Variants in BICD1 observed in about 807,000 individuals in gnomAD.
BICD1 encodes the protein protein bicaudal D homolog 1.
BICD1 carries 35 observed loss-of-function variants against 92.5 expected under a neutral mutation model. That is an observed-to-expected ratio of 0.38 (90% confidence interval 0.29 to 0.50). BICD1 has a LOEUF of 0.50. Among genes scored for constraint, BICD1 ranks in the 20% least tolerant of loss-of-function variants. BICD1 has a pLI of 0.93. For missense variants in BICD1, 950 were observed against 1,189.8 expected, an observed-to-expected ratio of 0.80 and a Z score of 2.97; for synonymous variants, 429 against 465.1, an observed-to-expected ratio of 0.92 and a Z score of 1.00.
In BICD1 at chr12:32,377,791, C is replaced by T; in HGVS notation, c.*164C>T. The T allele has an allele frequency of 1.6e-6, 1 of 621,656 alleles. No homozygotes were observed. The highest frequency in any genetic ancestry group is 2.8e-6 in the Non-Finnish European group (1 of 353,658). The allele number at this position is 621,656 out of a possible 1,614,324, so 38.5% of individuals were successfully genotyped here. On this transcript the variant is annotated 3_prime_UTR_variant, in exon 10 of 10. Coordinates refer to ENST00000652176, the MANE Select transcript of BICD1 (RefSeq NM_001714.4). ...AGAAAGTTGAGAAGAACACGAAGCACAGACCCTGATGTGATAAAACATTTT... is the reference window on the plus strand; with the variant it reads ...AGAAAGTTGAGAAGAACACGAAGCATAGACCCTGATGTGATAAAACATTTT...
intron 1 of BICD1, among the ~76,000 whole-genome samples, chr12:32,121,106 T>C (rs529296022): frequency 9.2e-5 from 14 of 151,610 alleles, no homozygotes; most frequent in African/African-American, 3.4e-4. Flanking sequence ...GTAGCTGGGA[T>C]TACAGGCGTG....
chr12:32,365,297 G>A (rs1202586287), intron 8 of BICD1, among the ~76,000 whole-genome samples: 2 of 151,996 alleles, frequency 1.3e-5, no homozygotes, highest in Non-Finnish European at 2.9e-5. Context: ...TTCTAATGAA[G>A]GAAAAAGTGA....
chr12:32,144,533 G>A lies in BICD1; in HGVS notation c.213+36989G>A, dbSNP rs530150495. On this transcript the variant is annotated intron_variant, in intron 1 of 9. Coordinates refer to ENST00000652176, the MANE Select transcript of BICD1 (RefSeq NM_001714.4). ...GCAAAATATGTCTTCTTAGATATAC[G>A]AAACATTTTGTCAAATAGCCCCTGG... Among the ~76,000 whole-genome samples, 17 of 152,266 alleles carry A rather than the reference G, an allele frequency of 1.1e-4. 1 individual carries two copies. Among genetic ancestry groups the A allele is most frequent in the Middle Eastern group, 3.4e-3 (1 of 294 alleles).
At chr12:32,227,197 C>T (rs958942271) in intron 2 of BICD1, among the ~76,000 whole-genome samples, 19 of 152,344 alleles carry the variant, frequency 1.2e-4, no homozygotes, top group Non-Finnish European at 2.4e-4. Flanking sequence ...GGCTGAGCAG[C>T]GCCCTGGATT....
At chr12:32,175,962 A>G in intron 1 of BICD1, among the ~76,000 whole-genome samples, 1 of 152,304 alleles carries the variant, frequency 6.6e-6, no homozygotes, top group South Asian at 2.1e-4. Context: ...TGGACATTTC[A>G]TATAAATGAG....
At chr12:32,339,188 G>T in intron 8 of BICD1, 1 of 1,286,402 alleles carries the variant, frequency 7.8e-7, no homozygotes, top group Non-Finnish European at 9.8e-7. Context: ...CCATTTAACA[G>T]CCAAAGATGG....
intron 1 of BICD1, among the ~76,000 whole-genome samples, chr12:32,131,708 A>C (rs779327133): frequency 4.6e-5 from 7 of 152,232 alleles, no homozygotes; most frequent in Non-Finnish European, 8.8e-5. Context: ...AAGATTTAAA[A>C]AAATTCCTGA....
At chr12:32,321,020 G>C (rs1026209563) in intron 4 of BICD1, among the ~76,000 whole-genome samples, 1 of 152,116 alleles carries the variant, frequency 6.6e-6, no homozygotes, top group African/African-American at 2.4e-5. Context: ...TATTCATTCA[G>C]AGCACTAAAT....
At chr12:32,278,195 T>G (rs1286813655) in intron 2 of BICD1, among the ~76,000 whole-genome samples, 1 of 152,238 alleles carries the variant, frequency 6.6e-6, no homozygotes, top group African/African-American at 2.4e-5. Flanking sequence ...ATCTGTTTAG[T>G]GTATTACCAA....
chr12:32,290,190 C>G (rs1186785782), intron 2 of BICD1, among the ~76,000 whole-genome samples: 1 of 118,694 alleles, frequency 8.4e-6, no homozygotes. Flanking sequence ...AGGTTGAAAG[C>G]AGGTTTCCAA....
chr12:32,283,951 CAAT>C (rs1565641214), intron 2 of BICD1, among the ~76,000 whole-genome samples: 1 of 152,250 alleles, frequency 6.6e-6, no homozygotes, highest in Non-Finnish European at 1.5e-5. Flanking sequence ...GCCGTGCAGC[CAAT>C]AATGTCACTG....
chr12:32,345,074 C>T (rs1788261362), intron 8 of BICD1, among the ~76,000 whole-genome samples: 1 of 152,040 alleles, frequency 6.6e-6, no homozygotes, highest in Non-Finnish European at 1.5e-5. Context: ...ATTGCTTGAG[C>T]CCAGGAGTCC....
At chr12:32,113,310 T>C (rs1272624944) in intron 1 of BICD1, among the ~76,000 whole-genome samples, 6 of 151,866 alleles carry the variant, frequency 4.0e-5, no homozygotes, top group African/African-American at 1.5e-4. Flanking sequence ...GGATAGGAGG[T>C]GGTTCTATTT....
At chr12:32,322,896 T>C (rs1047167176) in intron 4 of BICD1, among the ~76,000 whole-genome samples, 1 of 152,222 alleles carries the variant, frequency 6.6e-6, no homozygotes, top group African/African-American at 2.4e-5. Context: ...GCCTTTCCTT[T>C]TGAAGGGCGT....
In BICD1 at chr12:32,177,978, G is replaced by A. The variant is rs149656688; in HGVS notation, c.214-38269G>A. ...ATTGCAAAGCAGTATGCATTCTATG[G>A]CCCTGACTACTTTGTGCTAATATGA... On this transcript the variant is annotated intron_variant, in intron 1 of 9. Transcript: ENST00000652176. Among the ~76,000 whole-genome samples, 134 of 151,248 alleles carry A rather than the reference G, an allele frequency of 8.9e-4. 1 individual carries two copies. Among genetic ancestry groups the A allele is most frequent in the African/African-American group, 3.1e-3 (129 of 41,346 alleles).
chr12:32,135,087 C>CCCCTTCCCCTCTCCCCTT (rs1942686600), intron 1 of BICD1, among the ~76,000 whole-genome samples: 1 of 63,288 alleles, frequency 1.6e-5, no homozygotes, highest in Admixed American at 2.4e-4. Context: ...CCGCTCCCCT[C>CCCCTTCCCCTCTCCCCTT]CTTTATTTTT....
chr12:32,361,687 G>A (rs142628713), intron 8 of BICD1, among the ~76,000 whole-genome samples: 42 of 152,276 alleles, frequency 2.8e-4, no homozygotes, highest in African/African-American at 1.0e-3. Context: ...TGGTCATGAG[G>A]GAAAGAGATG....
At chr12:32,360,672 C>A (rs1565696101) in intron 8 of BICD1, among the ~76,000 whole-genome samples, 1 of 151,936 alleles carries the variant, frequency 6.6e-6, no homozygotes, top group Non-Finnish European at 1.5e-5. Context: ...GAAATCAATT[C>A]TAGAGGATAA....
chr12:32,140,890 C>T (rs1051073647), intron 1 of BICD1, among the ~76,000 whole-genome samples: 15 of 152,060 alleles, frequency 9.9e-5, no homozygotes, highest in African/African-American at 3.6e-4. Flanking sequence ...AGAGGAAATG[C>T]GGCGACTTAG....
Sources: gnomAD v4.1 joint callset for allele counts (sites outside exome capture counted in the v4.1 genomes callset) on GRCh38, gnomAD v4.1.1 for gene constraint, MANE v1.5 for transcripts, NCBI Gene and HGNC (gene_info 2026-07-23, HGNC 2026-07-21) for gene names.